ZBTB37: variants seen among roughly 807,000 people sequenced by gnomAD.
The protein encoded by ZBTB37 is zinc finger and BTB domain-containing protein 37.
In ZBTB37, 15 loss-of-function variants were observed where a neutral mutation model predicts 37.7. The observed-to-expected ratio is 0.40, with a 90% CI of 0.27 to 0.61. The LOEUF is 0.61. Ranked by LOEUF, ZBTB37 falls within the 20% of genes least tolerant of loss-of-function variation. The pLI is 0.44. For synonymous variants in ZBTB37, 231 were observed against 220.6 expected (o/e 1.05, Z -0.42); for missense variants, 514 against 641.9 (o/e 0.80, Z 2.15).
chr1:173,897,888 A>G (rs1238662304), exon 4 of ZBTB37: 1 of 152,226 alleles, frequency 6.6e-6, no homozygotes, highest in Non-Finnish European at 1.5e-5. Flanking sequence ...TCAGATATCA[A>G]TATTTAATTT....
intron 3 of ZBTB37, among the ~76,000 whole-genome samples, chr1:173,872,385 A>T (rs1167520168): frequency 6.0e-5 from 9 of 150,204 alleles, no homozygotes; most frequent in Admixed American, 6.0e-4. Flanking sequence ...ATTTTATTTT[A>T]TTTTTGAGAT....
exon 3 of ZBTB37, chr1:173,870,838 G>T (rs1275532510): frequency 1.3e-5 from 21 of 1,614,128 alleles, no homozygotes; most frequent in Non-Finnish European, 1.7e-5. Context: ...AAGTTCTGAT[G>T]TAGAGAGCCG....
intron 4 of ZBTB37, among the ~76,000 whole-genome samples, chr1:173,874,863 G>C (rs1572054398): frequency 6.6e-6 from 1 of 151,976 alleles, no homozygotes; most frequent in Non-Finnish European, 1.5e-5. Flanking sequence ...AGCCTGACTT[G>C]TTATGTAAAA....
intron 1 of ZBTB37, 26 bp downstream of exon 1, chr1:173,868,431 C>G (rs1053394475): frequency 6.5e-6 from 1 of 153,324 alleles, no homozygotes; most frequent in Non-Finnish European, 1.5e-5. Flanking sequence ...TGACTGGACT[C>G]GGGCCCCACA....
At position 173,870,692 on chromosome 1, in the gene ZBTB37, C is replaced by G. The variant is rs139461194; in HGVS notation, c.467C>G (p.Thr156Arg). 8.6e-4 allele frequency: 1,396 copies of G among 1,614,038 alleles called. 1 individual carries two copies. Among genetic ancestry groups the G allele is most frequent in the Non-Finnish European group, 1.1e-3 (1,349 of 1,180,046 alleles). ...AGACCTCCAGAGTCTCACAGGGTTA[C>G]ACCAAATCTCAACCGCTCCCTTAGC... Residue 156 changes from threonine to arginine, a missense_variant, in exon 3 of 5, where the codon ACA becomes AGA. Thr to Arg is a moderately conservative substitution (Grantham distance 71). Around this residue, in one of 3 missense-constraint regions of ZBTB37, gnomAD observed 323 missense variants for 321.9 expected, o/e 1.00. Transcript: ENST00000427304.
At chr1:173,880,791 A>T (rs1293152935) in intron 4 of ZBTB37, among the ~76,000 whole-genome samples, 1 of 152,198 alleles carries the variant, frequency 6.6e-6, no homozygotes, top group South Asian at 2.1e-4. Flanking sequence ...TTGTTCTTCT[A>T]TTGCAACTTC....
At chr1:173,879,997 G>A (rs1376654753) in intron 4 of ZBTB37, among the ~76,000 whole-genome samples, 2 of 152,174 alleles carry the variant, frequency 1.3e-5, no homozygotes, top group African/African-American at 2.4e-5. Context: ...CACAAACTAG[G>A]CCACCTAGCA....
chr1:173,885,613 G>A (rs984494845), intron 4 of ZBTB37, 23 bp from the exon 5 acceptor site: 5 of 1,515,726 alleles, frequency 3.3e-6, no homozygotes, highest in Non-Finnish European at 4.4e-6. Flanking sequence ...TTCTTTCTTG[G>A]TTATTTTCCT....
At chr1:173,870,526 A>G (rs1477217757) in exon 3 of ZBTB37, 1 of 1,614,232 alleles carries the variant, frequency 6.2e-7, no homozygotes, top group Non-Finnish European at 8.5e-7. Flanking sequence ...AGATATCATC[A>G]GCTACCTAAC....
intron 4 of ZBTB37, among the ~76,000 whole-genome samples, chr1:173,875,194 C>T (rs1371263519): frequency 6.6e-6 from 1 of 150,452 alleles, no homozygotes; most frequent in Non-Finnish European, 1.5e-5. Flanking sequence ...ATGTAGTATA[C>T]ACACACTATG....
chr1:173,877,174 C>G (rs146917750), intron 4 of ZBTB37, among the ~76,000 whole-genome samples: 1 of 152,080 alleles, frequency 6.6e-6, no homozygotes, highest in Admixed American at 6.5e-5. Flanking sequence ...TTATGTGGTA[C>G]ATAACTGTAA....
rs1272899308 is a variant in ZBTB37 at position 173,901,398 on chromosome 1, AC to A, written c.*15275del. 2.1e-5 allele frequency: 3 copies of A among 140,626 alleles called. No homozygotes were observed. The East Asian group carries it at 6.0e-4, about 28-fold the overall frequency. The allele number at this position is 140,626 out of a possible 1,614,324, so 8.7% of individuals were successfully genotyped here. On this transcript the variant is annotated 3_prime_UTR_variant, in exon 4 of 4. Coordinates refer to the ZBTB37 transcript ENST00000367701. ...CCCTTTAAGAAATCTTAAAGTTAGAACTTTTTTTTTTTTTTTTTTTTTTGAG... is the reference window on the plus strand; with the variant it reads ...CCCTTTAAGAAATCTTAAAGTTAGAATTTTTTTTTTTTTTTTTTTTTTGAG...
intron 3 of ZBTB37, among the ~76,000 whole-genome samples, chr1:173,871,581 C>T (rs1302640857): frequency 6.6e-6 from 1 of 152,186 alleles, no homozygotes; most frequent in East Asian, 1.9e-4. Context: ...TCTTTGCCCC[C>T]AACTACCAAA....
intron 3 of ZBTB37, among the ~76,000 whole-genome samples, chr1:173,871,828 A>G (rs1365659693): frequency 6.6e-6 from 1 of 152,060 alleles, no homozygotes; most frequent in Non-Finnish European, 1.5e-5. Flanking sequence ...TGTATTTATT[A>G]GACATTTCTT....
At chr1:173,899,662 A>T (rs781110227) in exon 4 of ZBTB37, 1 of 152,058 alleles carries the variant, frequency 6.6e-6, no homozygotes, top group Non-Finnish European at 1.5e-5. Context: ...CTGTTGTGCA[A>T]CCTGGGCTTT....
At chr1:173,880,998 A>G (rs1170374937) in intron 4 of ZBTB37, among the ~76,000 whole-genome samples, 1 of 151,442 alleles carries the variant, frequency 6.6e-6, no homozygotes, top group South Asian at 2.1e-4. Flanking sequence ...GTACATGTGC[A>G]CAACGTGCAG....
At position 173,870,194 on chromosome 1, in the gene ZBTB37, C is replaced by T; in HGVS notation, c.-29-3C>T. On this transcript the variant is annotated splice_region_variant and splice_polypyrimidine_tract_variant and intron_variant, in intron 2 of 4. Coordinates refer to ENST00000427304, the Ensembl canonical transcript of ZBTB37. ...TTAATGAGAATATGGTTTCTTTTTT[C>T]AGCAGGGTTGAATGCACCCTCAGGC... The T allele has an allele frequency of 6.5e-7, 1 of 1,535,086 alleles. No homozygotes were observed. The highest frequency in any genetic ancestry group is 8.8e-7 in the Non-Finnish European group (1 of 1,139,644).
chr1:173,875,317 C>CATATATATATAT (rs1156598476), intron 4 of ZBTB37, among the ~76,000 whole-genome samples: 12 of 122,060 alleles, frequency 9.8e-5, no homozygotes, highest in African/African-American at 5.1e-4. Flanking sequence ...TATATGTGTG[C>CATATATATATAT]ATATATATAT....
At chr1:173,897,909 A>G (rs1055886895) in exon 4 of ZBTB37, 2 of 152,202 alleles carry the variant, frequency 1.3e-5, no homozygotes, top group African/African-American at 4.8e-5. Context: ...TGTTGCCCAA[A>G]TCAAACAATG....
Sources: allele counts gnomAD v4.1 joint callset (sites outside exome capture counted in the v4.1 genomes callset), GRCh38; gene constraint gnomAD v4.1.1; regional missense constraint gnomAD v4.1.1; transcripts MANE v1.5; gene names NCBI Gene and HGNC (gene_info 2026-07-23, HGNC 2026-07-21).